The following MYH6 variants were observed in gnomAD, a reference collection of about 807,000 sequenced individuals.
MYH6 encodes myosin-6.
MYH6 carries 126 observed loss-of-function variants against 223.2 expected under a neutral mutation model. The observed-to-expected ratio is 0.56, with a 90% CI of 0.49 to 0.65. The LOEUF (loss-of-function observed/expected upper bound fraction) is 0.65, where lower values mean the gene tolerates loss of function less well. MYH6 is among the 30% of genes least tolerant of loss of function. MYH6 has a pLI of 0.00. For synonymous variants in MYH6, 978 were observed against 1,010.2 expected, an observed-to-expected ratio of 0.97 and a Z score of 0.61; for missense variants, 2,040 against 2,536.4, an observed-to-expected ratio of 0.80 and a Z score of 4.20.
At chr14:23,397,330 G>A in intron 16 of MYH6, 73 bp from the exon 17 acceptor site, 1 of 1,441,376 alleles carries the variant, frequency 6.9e-7, no homozygotes, top group Non-Finnish European at 9.8e-7. Context: ...CTGGTCCCCA[G>A]ACACTCTCCA....
In MYH6 at chr14:23,394,055, C is replaced by A; in HGVS notation, c.2685+13G>T. 1 of 1,614,098 alleles carries A rather than the reference C, an allele frequency of 6.2e-7. No homozygotes were observed. Among genetic ancestry groups the A allele is most frequent in the Non-Finnish European group, 8.5e-7 (1 of 1,180,036 alleles). ...GGGAGGAGAGGGCTGAAGAGATAAT[C>A]ACGTGGCCTCACCGCCTGCACTTGG... On this transcript the variant is annotated intron_variant, in intron 21 of 38. Coordinates refer to ENST00000405093, the MANE Select transcript of MYH6 (RefSeq NM_002471.4).
intron 21 of MYH6, 22 bp from the exon 22 acceptor site, chr14:23,393,930 G>A: frequency 1.2e-6 from 2 of 1,614,146 alleles, no homozygotes; most frequent in Non-Finnish European, 1.7e-6. Context: ...GAACAGGGAG[G>A]AAGCTGATGG....
Position 23,398,947 on chromosome 14 carries a change from G to T in MYH6, c.1672C>A (p.Leu558Met), listed in dbSNP as rs1463678920. The change falls in exon 15 of 39, where the codon CTG becomes ATG. Residue 558 changes from leucine to methionine, a missense_variant. By Grantham distance (15) the Leu-to-Met change is conservative. Around this residue, in one of 4 missense-constraint regions of MYH6, gnomAD observed 649 missense variants for 877.3 expected, o/e 0.74. Transcript: ENST00000405093. ...TFKAKLYDNH[L>M]GKSNNFQKPR... is the part of the protein sequence containing the mutation. ...TTCTGGAAATTGTTGGACTTGCCCA[G>T]GTGGTTGTCGTACAGCTTGGCCTTG... The T allele has an allele frequency of 7.4e-6, 12 of 1,614,148 alleles. No individual in the cohort carries two copies. The highest frequency in any genetic ancestry group is 1.0e-5 in the Non-Finnish European group (12 of 1,180,028).
intron 34 of MYH6, among the ~76,000 whole-genome samples, chr14:23,385,726 C>A (rs1890998393): frequency 1.3e-5 from 2 of 152,102 alleles, no homozygotes; most frequent in Admixed American, 6.6e-5. Context: ...TATCAGCAAT[C>A]AATCATGACC....
intron 23 of MYH6, 58 bp downstream of exon 23, chr14:23,393,284 A>G (rs922028004): frequency 1.0e-4 from 165 of 1,607,256 alleles, no homozygotes; most frequent in Non-Finnish European, 1.4e-4. Context: ...TTTCTGGGCC[A>G]TTGGTGTTGC....
rs869025474 is a variant in MYH6, at chr14:23,393,030, T to C, written c.3133A>G (p.Lys1045Glu). The C allele has an allele frequency of 1.2e-5, 20 of 1,614,094 alleles. No individual in the cohort carries two copies. The highest frequency in any genetic ancestry group is 8.5e-7 in the Non-Finnish European group (1 of 1,180,048). ...DLEGSLEQEK[K>E]VRMDLERAKR... ...GCTCGCTCCAGGTCCATGCGCACCT[T>C]CTTCTCTTGCTCTAGGGATCCCTCC... Residue 1045 changes from lysine to glutamate, a missense_variant, in exon 24 of 39, where the codon AAG becomes GAG. Around this residue, in one of 4 missense-constraint regions of MYH6, gnomAD observed 1,203 missense variants for 1,400.2 expected, o/e 0.86. Coordinates refer to ENST00000405093, the MANE Select transcript of MYH6 (RefSeq NM_002471.4).
In MYH6 at chr14:23,407,381, AG is replaced by A; in HGVS notation, c.-13-146del. Reference sequence around the variant, plus strand: ...CCTGCTGTTGCACCCTCCCCTACTCAGGGCTCTGCTTCTCCTGCCCTCTGAG... The same window carrying A: ...CCTGCTGTTGCACCCTCCCCTACTCAGGCTCTGCTTCTCCTGCCCTCTGAG... On this transcript the variant is annotated intron_variant, in intron 2 of 38. Transcript: ENST00000405093. This position sits in a 1 kb window ranked among gnomAD's most constrained non-coding sequence, Gnocchi z 5.6. 1 of 1,124,320 alleles carries A rather than the reference AG, an allele frequency of 8.9e-7. No individual in the cohort carries two copies. The highest frequency in any genetic ancestry group is 2.5e-5 in the East Asian group (1 of 39,394). 69.6% of individuals were successfully genotyped at this position (1,124,320 alleles called of 1,614,324 possible).
intron 32 of MYH6, among the ~76,000 whole-genome samples, chr14:23,387,172 A>C (rs12893772): frequency 0.093 from 14,213 of 152,300 alleles, 858 homozygotes; most frequent in Middle Eastern, 0.15. Flanking sequence ...AGAGAGATTA[A>C]AGATTTTGCC....
intron 3 of MYH6, 29 bp downstream of exon 3, chr14:23,406,994 C>T (rs1378092290): frequency 1.9e-6 from 3 of 1,610,508 alleles, no homozygotes; most frequent in Non-Finnish European, 2.5e-6. Flanking sequence ...ACCTCCTTCC[C>T]TTCTGCCCCG....
At position 23,387,891 on chromosome 14, in the gene MYH6, C is replaced by T. The variant is rs141811321; in HGVS notation, c.4392G>A (p.Glu1464=). The T allele has an allele frequency of 1.7e-5, 27 of 1,614,064 alleles. No homozygotes were observed. Among genetic ancestry groups the T allele is most frequent in the Non-Finnish European group, 2.3e-5 (27 of 1,180,020 alleles). The change falls in exon 31 of 39, where the codon GAG becomes GAA. Residue 1464 remains glutamate, a synonymous_variant. Coordinates refer to ENST00000405093, the MANE Select transcript of MYH6 (RefSeq NM_002471.4). ...GTGAGGACTCCAGCTCAGACTGCGA[C>T]TCCTCATACTTCTGCTTCCACTCGG... ...ILAEWKQKYE[E]SQSELESSQK... is the part of the protein sequence containing the mutation.
In MYH6 at chr14:23,407,157, G is replaced by A. The variant is rs587782959; in HGVS notation, c.67C>T (p.Arg23Cys). ...AAGGGCCGGGTCTGGGCCTCTAGAC[G>A]CTCCTTCTCTGACTTGCGGAGGTAC... Reference protein sequence around the residue: ...AQYLRKSEKERLEAQTRPFDI... With the variant: ...AQYLRKSEKECLEAQTRPFDI... Residue 23 changes from arginine (R) to cysteine (C), a missense_variant, in exon 3 of 39, where the codon CGT becomes TGT. By Grantham distance (180) the Arg-to-Cys change is radical. Coordinates refer to ENST00000405093, the MANE Select transcript of MYH6 (RefSeq NM_002471.4). This position sits in a 1 kb window ranked among gnomAD's most constrained non-coding sequence, Gnocchi z 5.6. The A allele has an allele frequency of 5.0e-5, 80 of 1,614,128 alleles. No individual in the cohort carries two copies. The highest frequency in any genetic ancestry group is 4.7e-4 in the Admixed American group (28 of 60,012).
chr14:23,397,946 C>CTTCTTCTTCTTCTTCTTCTTCTTCTTT (rs1891461769), intron 15 of MYH6, among the ~76,000 whole-genome samples: 3 of 67,392 alleles, frequency 4.5e-5, no homozygotes, highest in Non-Finnish European at 8.8e-5. Flanking sequence ...TCTTCTTCTT[C>CTTCTTCTTCTTCTTCTTCTTCTTCTTT]TTCTTCTTCT....
chr14:23,397,237 C>A lies in MYH6; in HGVS notation c.1983G>T (p.Met661Ile). 1 of 1,614,136 alleles carries A rather than the reference C, an allele frequency of 6.2e-7. No individual in the cohort carries two copies. Among genetic ancestry groups the A allele is most frequent in the South Asian group, 1.1e-5 (1 of 91,056 alleles). ...GAGGATGGGTGGTCCTCAGGTTGGT[C>A]ATTAGCTTGTTGAGATTTTCCTGGA... ...ALHRENLNKL[M>I]TNLRTTHPHF... Residue 661 changes from methionine (M) to isoleucine (I), a missense_variant, in exon 17 of 39, where the codon ATG (methionine) becomes ATT (isoleucine). By Grantham distance (10) the Met-to-Ile change is conservative (BLOSUM62 1). This residue lies in a region of MYH6 where 649 missense variants were observed against 877.3 expected (regional missense o/e 0.74). Coordinates refer to ENST00000405093, the MANE Select transcript of MYH6 (RefSeq NM_002471.4).
In MYH6 at chr14:23,406,960, C is replaced by T. The variant is rs557496325; in HGVS notation, c.201+63G>A. 174 of 1,565,782 alleles carry T rather than the reference C, an allele frequency of 1.1e-4. 1 individual carries two copies. The South Asian group carries it at 1.9e-3, about 17-fold the overall frequency. ...CTCTCAGCTCCCCCTGCAAGTGGCTCCACCTCTGCATCTTCTTTCCCAGAC... is the reference window on the plus strand; with the variant it reads ...CTCTCAGCTCCCCCTGCAAGTGGCTTCACCTCTGCATCTTCTTTCCCAGAC... On this transcript the variant is annotated intron_variant, in intron 3 of 38. Coordinates refer to ENST00000405093, the MANE Select transcript of MYH6 (RefSeq NM_002471.4).
At chr14:23,386,697 G>A (rs1046780625) in intron 32 of MYH6, 74 bp from the exon 33 acceptor site, 114 of 1,510,090 alleles carry the variant, frequency 7.5e-5, no homozygotes, top group Admixed American at 2.3e-4. Context: ...GAAGATACAC[G>A]GTGTCAGCCA....
chr14:23,404,901 C>A (rs953503954), intron 6 of MYH6, 79 bp from the exon 7 acceptor site: 31 of 1,512,528 alleles, frequency 2.0e-5, no homozygotes, highest in Non-Finnish European at 2.8e-5. Flanking sequence ...TGCTCCCCTT[C>A]CCAGCCTGGC....
At chr14:23,397,939 TCTTCTTC>T (rs1891457854) in intron 15 of MYH6, among the ~76,000 whole-genome samples, 1 of 48,518 alleles carries the variant, frequency 2.1e-5, no homozygotes, top group Non-Finnish European at 4.1e-5. Flanking sequence ...CTCCTCTTCT[TCTTCTTC>T]TTCTTCTTCT....
In MYH6 at chr14:23,400,727, A is replaced by C; in HGVS notation, c.1392T>G (p.Ala464=). ...RQYFIGVLDI[A]GFEIFDFNSF... ...AACTCACGTCGAAGATCTCGAAGCC[A>C]GCGATGTCCAGGACTCCTATGAAGT... The change falls in exon 13 of 39, where the codon GCT becomes GCG. Residue 464 remains alanine, a synonymous_variant. Transcript: ENST00000405093. 1 of 1,614,258 alleles carries C rather than the reference A, an allele frequency of 6.2e-7. No individual in the cohort carries two copies. The highest frequency in any genetic ancestry group is 8.5e-7 in the Non-Finnish European group (1 of 1,180,038).
At chr14:23,392,788 C>A in intron 24 of MYH6, 124 bp downstream of exon 24, 1 of 1,500,132 alleles carries the variant, frequency 6.7e-7, no homozygotes, top group Non-Finnish European at 9.2e-7. Flanking sequence ...CGGAAGAGGG[C>A]TGTGATTGAC....
Sources: allele counts gnomAD v4.1 joint callset (sites outside exome capture counted in the v4.1 genomes callset), GRCh38; gene constraint gnomAD v4.1.1; regional missense constraint gnomAD v4.1.1; non-coding constraint Gnocchi (gnomAD v3.1); transcripts MANE v1.5; gene names NCBI Gene and HGNC (gene_info 2026-07-23, HGNC 2026-07-21).